DCC: variants seen among roughly 807,000 people sequenced by gnomAD.
DCC encodes DCC netrin 1 receptor, also known as netrin receptor DCC.
DCC carries 58 observed loss-of-function variants against 172.5 expected under a neutral mutation model. That is an observed-to-expected ratio of 0.34 (90% CI 0.27 to 0.42). DCC has a LOEUF of 0.42. Ranked by LOEUF, DCC falls within the 10% of genes least tolerant of loss-of-function variation. The probability of loss-of-function intolerance (pLI) is 1.00; values close to 1 mark genes in which losing one functional copy is unlikely to be tolerated. For missense variants in DCC, 1,740 were observed against 1,791.0 expected (o/e 0.97, Z 0.51); for synonymous variants, 709 against 644.5 (o/e 1.10, Z -1.52).
intron 5 of DCC, among the ~76,000 whole-genome samples, chr18:52,969,832 A>G (rs900354872): frequency 6.6e-6 from 1 of 152,148 alleles, no homozygotes; most frequent in Non-Finnish European, 1.5e-5. Flanking sequence ...ATTAAAGAAG[A>G]CATATGACTG....
intron 2 of DCC, among the ~76,000 whole-genome samples, chr18:52,808,860 C>T (rs1047694681): frequency 6.6e-6 from 1 of 152,208 alleles, no homozygotes. Flanking sequence ...ATTGGATGGT[C>T]TGGACCTATG....
At chr18:52,759,112 CT>C (rs1202030028) in intron 2 of DCC, 1 of 152,016 alleles carries the variant, frequency 6.6e-6, no homozygotes, top group African/African-American at 2.4e-5. Context: ...GTTTACTAGT[CT>C]TATCATTTTT....
At chr18:52,382,360 A>G in intron 1 of DCC, among the ~76,000 whole-genome samples, 1 of 152,128 alleles carries the variant, frequency 6.6e-6, no homozygotes, top group Non-Finnish European at 1.5e-5. Flanking sequence ...TATATTAACC[A>G]CAACTACATG....
At chr18:53,345,537 T>C (rs1397480145) in intron 15 of DCC, among the ~76,000 whole-genome samples, 2 of 152,180 alleles carry the variant, frequency 1.3e-5, no homozygotes, top group Non-Finnish European at 2.9e-5. Flanking sequence ...TGTTTTCTAT[T>C]TACCCAGATA....
chr18:53,519,676 A>T (rs1429103383), intron 27 of DCC, among the ~76,000 whole-genome samples: 1 of 151,924 alleles, frequency 6.6e-6, no homozygotes, highest in African/African-American at 2.4e-5. Context: ...CCTTTGACAT[A>T]TGTTTCTGAT....
chr18:52,498,643 T>C (rs1169518775), intron 1 of DCC, among the ~76,000 whole-genome samples: 2 of 151,872 alleles, frequency 1.3e-5, no homozygotes, highest in South Asian at 2.1e-4. Flanking sequence ...AAAAATAACA[T>C]ATAATAAAAT....
At chr18:52,480,474 G>T (rs1470143214) in intron 1 of DCC, among the ~76,000 whole-genome samples, 1 of 152,096 alleles carries the variant, frequency 6.6e-6, no homozygotes, top group Non-Finnish European at 1.5e-5. Context: ...GAAGTGCATT[G>T]GTAGAGAACC....
intron 2 of DCC, among the ~76,000 whole-genome samples, chr18:52,776,585 G>T (rs1398519623): frequency 2.0e-5 from 3 of 152,244 alleles, no homozygotes; most frequent in East Asian, 1.9e-4. Context: ...GAGATCTTCT[G>T]ATTGAAAGGG....
At chr18:52,695,006 G>A (rs2035989755) in intron 1 of DCC, among the ~76,000 whole-genome samples, 1 of 152,114 alleles carries the variant, frequency 6.6e-6, no homozygotes, top group South Asian at 2.1e-4. Flanking sequence ...TCCCTGGGTT[G>A]GGTAGCCTGG....
At chr18:52,709,687 A>T (rs942399106) in intron 1 of DCC, among the ~76,000 whole-genome samples, 2 of 152,220 alleles carry the variant, frequency 1.3e-5, no homozygotes, top group Non-Finnish European at 2.9e-5. Context: ...GTTAAAGATT[A>T]ATACAACTAC....
At chr18:52,805,211 G>A (rs1004934715) in intron 2 of DCC, among the ~76,000 whole-genome samples, 1 of 152,126 alleles carries the variant, frequency 6.6e-6, no homozygotes, top group African/African-American at 2.4e-5. Flanking sequence ...CCTTCTCTCT[G>A]TGCCTTTCAA....
chr18:53,000,714 CTCAG>C (rs2041552142), intron 5 of DCC, among the ~76,000 whole-genome samples: 1 of 149,624 alleles, frequency 6.7e-6, no homozygotes, highest in South Asian at 2.1e-4. Context: ...GGGACAGGAA[CTCAG>C]TCAGAGCCAG....
chr18:52,502,539 G>C (rs1288439839), intron 1 of DCC, among the ~76,000 whole-genome samples: 2 of 152,128 alleles, frequency 1.3e-5, no homozygotes, highest in Non-Finnish European at 2.9e-5. Context: ...TTGTTATAAT[G>C]ATAAGATATA....
intron 1 of DCC, among the ~76,000 whole-genome samples, chr18:52,370,891 T>G (rs1985093165): frequency 6.6e-6 from 1 of 152,220 alleles, no homozygotes; most frequent in Non-Finnish European, 1.5e-5. Flanking sequence ...AATCATTGTA[T>G]TTTTTTGAAA....
chr18:52,789,068 G>A (rs7243567), intron 2 of DCC, among the ~76,000 whole-genome samples: 28,579 of 151,970 alleles, frequency 0.19, 2,908 homozygotes, highest in Middle Eastern at 0.25. Flanking sequence ...CCGTAACTAC[G>A]ATTAGACATC....
rs183343601 is a variant in DCC, at chr18:53,133,761, C to T, written c.1262-23595C>T. Among the ~76,000 whole-genome samples, 13 of 152,232 alleles carry T rather than the reference C, an allele frequency of 8.5e-5. No individual in the cohort carries two copies. In the East Asian group the frequency reaches 2.5e-3, roughly 29 times the overall value. The stretch of plus-strand genomic sequence containing the variant: ...TGCTGAAAGGCTTGTTTATGAGTTC[C>T]CAACATCTTCAAATAGGAAACCACT... On this transcript the variant is annotated intron_variant, in intron 7 of 28. Transcript: ENST00000442544.
At chr18:53,358,116 G>A (rs1425509336) in intron 15 of DCC, among the ~76,000 whole-genome samples, 1 of 152,010 alleles carries the variant, frequency 6.6e-6, no homozygotes, top group Non-Finnish European at 1.5e-5. Context: ...TATTCTAAAT[G>A]TGAGTAGAAT....
At chr18:52,595,937 C>T (rs1307001512) in intron 1 of DCC, among the ~76,000 whole-genome samples, 3 of 152,104 alleles carry the variant, frequency 2.0e-5, no homozygotes, top group African/African-American at 7.2e-5. Context: ...ATGGTTTTTT[C>T]CTTTAATTCT....
chr18:52,852,456 C>CA lies in DCC; in HGVS notation c.413-53582dup, dbSNP rs983845184. Among the ~76,000 whole-genome samples, 48 of 146,984 alleles carry CA rather than the reference C, an allele frequency of 3.3e-4. 1 individual carries two copies. Among genetic ancestry groups the CA allele is most frequent in the African/African-American group, 1.1e-3 (40 of 36,820 alleles). On this transcript the variant is annotated intron_variant, in intron 2 of 28. Coordinates refer to ENST00000442544, the MANE Select transcript of DCC (RefSeq NM_005215.4). ...TAACACGATTTTGAAAACTGAAAAA[C>CA]AAAAAACAAAATATCTGAGCAGCCA...
Sources: allele counts gnomAD v4.1 joint callset (sites outside exome capture counted in the v4.1 genomes callset), GRCh38; gene constraint gnomAD v4.1.1; transcripts MANE v1.5; gene names NCBI Gene and HGNC (gene_info 2026-07-23, HGNC 2026-07-21).